The following GTF2F2 variants were observed in gnomAD, a reference collection of about 807,000 sequenced individuals.
The protein encoded by GTF2F2 is general transcription factor IIF subunit 2.
Under a neutral mutation model 42.2 loss-of-function variants are expected in GTF2F2, and 23 were observed. The ratio of observed to expected loss-of-function variants is 0.55; its 90% CI spans 0.39 to 0.77. GTF2F2 has a LOEUF of 0.77. Among genes scored for constraint, GTF2F2 ranks in the 30% least tolerant of loss-of-function variants. GTF2F2 has a pLI of 0.00. For synonymous variants in GTF2F2, 105 were observed against 100.8 expected (o/e 1.04, Z -0.25); for missense variants, 261 against 287.2 (o/e 0.91, Z 0.66).
intron 4 of GTF2F2, among the ~76,000 whole-genome samples, chr13:45,168,085 C>G (rs1375240237): frequency 6.6e-6 from 1 of 152,116 alleles, no homozygotes; most frequent in Non-Finnish European, 1.5e-5. Flanking sequence ...AGATCTGTAC[C>G]GTTTAGCAAA....
At chr13:45,277,148 C>T (rs1175132049) in intron 7 of GTF2F2, among the ~76,000 whole-genome samples, 1 of 152,160 alleles carries the variant, frequency 6.6e-6, no homozygotes, top group South Asian at 2.1e-4. Flanking sequence ...CTAGCATCGC[C>T]TTTCCTCTAA....
At chr13:45,267,009 C>T (rs867617288) in intron 6 of GTF2F2, among the ~76,000 whole-genome samples, 24 of 152,058 alleles carry the variant, frequency 1.6e-4, no homozygotes, top group African/African-American at 5.1e-4. Context: ...ATTAGCCAGG[C>T]GTAGTGGCGG....
At chr13:45,234,959 C>T (rs1039147120) in intron 5 of GTF2F2, among the ~76,000 whole-genome samples, 4 of 141,830 alleles carry the variant, frequency 2.8e-5, no homozygotes, top group South Asian at 4.4e-4. Flanking sequence ...GTGGGAGAAT[C>T]GCCTGAACCC....
Position 45,252,952 on chromosome 13 carries a change from T to C in GTF2F2, c.468T>C (p.Val156=), listed in dbSNP as rs146394623. The change falls in exon 6 of 8, where the codon GTT becomes GTC. Residue 156 remains valine (V), a synonymous_variant. Transcript: ENST00000340473. ...DKVVTTNYKP[V]ANHQYNIEYE... is the part of the protein sequence containing the mutation. ...TTGTAACAACCAATTACAAACCTGTTGCTAATCATCAATACAATGTAAGTC... is the reference window on the plus strand; with the variant it reads ...TTGTAACAACCAATTACAAACCTGTCGCTAATCATCAATACAATGTAAGTC... 1.2e-5 allele frequency: 17 copies of C among 1,419,198 alleles called. No homozygotes were observed. Among genetic ancestry groups the C allele is most frequent in the Non-Finnish European group, 1.6e-5 (17 of 1,055,752 alleles). The allele number at this position is 1,419,198 out of a possible 1,614,324, so 87.9% of individuals were successfully genotyped here.
intron 4 of GTF2F2, among the ~76,000 whole-genome samples, chr13:45,200,292 AATT>A (rs1873111586): frequency 1.3e-5 from 2 of 152,026 alleles, no homozygotes; most frequent in Non-Finnish European, 2.9e-5. Flanking sequence ...TTGATGTTAA[AATT>A]AGGCAAATTA....
intron 5 of GTF2F2, among the ~76,000 whole-genome samples, chr13:45,249,033 T>C (rs1421530059): frequency 6.6e-6 from 1 of 152,176 alleles, no homozygotes; most frequent in Non-Finnish European, 1.5e-5. Flanking sequence ...AATTATATTA[T>C]TTTGTACAAA....
chr13:45,225,701 A>G (rs1232603542), intron 5 of GTF2F2, among the ~76,000 whole-genome samples: 1 of 152,168 alleles, frequency 6.6e-6, no homozygotes, highest in Non-Finnish European at 1.5e-5. Flanking sequence ...GCAAAGGCAA[A>G]ATATTTCCAC....
intron 3 of GTF2F2, among the ~76,000 whole-genome samples, chr13:45,150,924 A>G (rs1593456644): frequency 6.6e-6 from 1 of 152,036 alleles, no homozygotes; most frequent in East Asian, 1.9e-4. Flanking sequence ...TTTTTTTATA[A>G]TGATAGATTA....
intron 4 of GTF2F2, among the ~76,000 whole-genome samples, chr13:45,191,224 A>AAATATATATATATATATATATATATATAT: frequency 1.3e-5 from 1 of 75,346 alleles, no homozygotes; most frequent in African/African-American, 1.0e-4. Context: ...ACAAAAAAAA[A>AAATATATATATATATATATATATATATAT]ATATATATAT....
intron 4 of GTF2F2, among the ~76,000 whole-genome samples, chr13:45,161,173 A>G (rs1871017278): frequency 6.6e-6 from 1 of 152,236 alleles, no homozygotes; most frequent in Non-Finnish European, 1.5e-5. Flanking sequence ...AAACAGTGAT[A>G]CAGTTTTGGT....
intron 2 of GTF2F2, among the ~76,000 whole-genome samples, chr13:45,145,016 A>G (rs1384447374): frequency 6.6e-6 from 1 of 152,226 alleles, no homozygotes; most frequent in Non-Finnish European, 1.5e-5. Context: ...TCACAGCTCA[A>G]GCATTTTATT....
At chr13:45,150,746 G>A (rs1404481218) in intron 3 of GTF2F2, among the ~76,000 whole-genome samples, 1 of 143,794 alleles carries the variant, frequency 7.0e-6, no homozygotes, top group Non-Finnish European at 1.5e-5. Flanking sequence ...GTTTTGTCAT[G>A]TTGGCCAGGC....
Position 45,283,478 on chromosome 13 carries a change from C to A in GTF2F2, c.667C>A (p.Gln223Lys). 6.2e-7 allele frequency: 1 copy of A among 1,611,348 alleles called. No homozygotes were observed. Among genetic ancestry groups the A allele is most frequent in the South Asian group, 1.1e-5 (1 of 90,870 alleles). Residue 223 changes from glutamine to lysine, a missense_variant, in exon 8 of 8, where the codon CAG (glutamine) becomes AAG (lysine). Coordinates refer to ENST00000340473, the MANE Select transcript of GTF2F2 (RefSeq NM_004128.3). ...LKEILKEIGVQNVKGIHKNTW... is the reference protein window; with the variant it reads ...LKEILKEIGVKNVKGIHKNTW... ...GGAAATCTTAAAAGAAATTGGTGTT[C>A]AGAATGTAAAAGGGATCCACAAAAA...
chr13:45,268,329 A>G (rs995172529), intron 7 of GTF2F2, among the ~76,000 whole-genome samples: 5 of 152,126 alleles, frequency 3.3e-5, no homozygotes, highest in Admixed American at 2.6e-4. Flanking sequence ...CAAATAACCT[A>G]TTTGTGAAAG....
intron 7 of GTF2F2, among the ~76,000 whole-genome samples, chr13:45,278,820 T>C (rs1245432713): frequency 2.4e-5 from 3 of 126,124 alleles, no homozygotes; most frequent in East Asian, 4.1e-4. Flanking sequence ...CTTTTTCTTT[T>C]TTTTTTTTTT....
At chr13:45,155,769 A>G (rs529309560) in intron 4 of GTF2F2, among the ~76,000 whole-genome samples, 16 of 151,376 alleles carry the variant, frequency 1.1e-4, no homozygotes, top group Non-Finnish European at 1.8e-4. Context: ...ATCTATTAAT[A>G]TTTTTCTGTT....
chr13:45,280,082 G>A (rs1877199503), intron 7 of GTF2F2, among the ~76,000 whole-genome samples: 1 of 152,198 alleles, frequency 6.6e-6, no homozygotes, highest in African/African-American at 2.4e-5. Flanking sequence ...TTTGAGCCTA[G>A]TCTTAAAGAA....
intron 4 of GTF2F2, among the ~76,000 whole-genome samples, chr13:45,171,676 A>AATG (rs1210073918): frequency 2.6e-5 from 4 of 152,176 alleles, no homozygotes; most frequent in Non-Finnish European, 2.9e-5. Context: ...TGTACAAGTG[A>AATG]ATGGTTTTAG....
chr13:45,224,959 A>C (rs991222099), intron 5 of GTF2F2, among the ~76,000 whole-genome samples: 1 of 152,194 alleles, frequency 6.6e-6, no homozygotes. Context: ...TGAATAAGAA[A>C]GACAGGATTT....
Sources: allele counts gnomAD v4.1 joint callset (sites outside exome capture counted in the v4.1 genomes callset), GRCh38; gene constraint gnomAD v4.1.1; transcripts MANE v1.5; gene names NCBI Gene and HGNC (gene_info 2026-07-23, HGNC 2026-07-21).